WSCD1: variants seen among roughly 807,000 people sequenced by gnomAD.
WSCD1 encodes sialate:O-sulfotransferase 1.
In WSCD1, 41 loss-of-function variants were observed where a neutral mutation model predicts 60.4. The ratio of observed to expected loss-of-function variants is 0.68; its 90% CI spans 0.53 to 0.88. WSCD1 has a LOEUF of 0.88. Among genes scored for constraint, WSCD1 ranks in the 40% least tolerant of loss-of-function variants. The pLI is 0.00. For missense variants in WSCD1, 784 were observed against 796.2 expected, an observed-to-expected ratio of 0.98 and a Z score of 0.18; for synonymous variants, 361 against 332.5, an observed-to-expected ratio of 1.09 and a Z score of -0.93.
chr17:6,080,944 C>A lies in WSCD1; in HGVS notation c.286C>A (p.Arg96=). The part of the protein sequence containing the change: ...DMLQSPLTRP[R]PGPRWLRSRN... ...GCTGCAGAGCCCCCTGACCCGGCCC[C>A]GGCCCGGCCCCCGCTGGCTCCGGAG... Residue 96 remains arginine, a synonymous_variant, in exon 2 of 9, where the codon CGG becomes AGG. Coordinates refer to ENST00000317744, the MANE Select transcript of WSCD1 (RefSeq NM_015253.2). This position sits in a 1 kb window ranked among gnomAD's most constrained non-coding sequence, Gnocchi z 6.6. 1.3e-6 allele frequency: 2 copies of A among 1,566,988 alleles called. No homozygotes were observed. Among genetic ancestry groups the A allele is most frequent in the East Asian group, 2.3e-5 (1 of 43,118 alleles).
chr17:6,110,177 C>T lies in WSCD1; in HGVS notation c.1009+411C>T, dbSNP rs2150565670. On this transcript the variant is annotated intron_variant, in intron 6 of 8. Transcript: ENST00000317744. The surrounding 1 kb of genome is among the most constrained non-coding windows in gnomAD (Gnocchi z 4.8). ...CTCCTTGGTGTGAGCATCAGGTCTG[C>T]CCCTGTTGACCTTAGGAACTGATGA... Among the ~76,000 whole-genome samples the T allele has an allele frequency of 6.6e-6, 1 of 152,208 alleles. No homozygotes were observed. Among genetic ancestry groups the T allele is most frequent in the Non-Finnish European group, 1.5e-5 (1 of 67,992 alleles).
At chr17:6,108,452 A>G (rs925050276) in intron 5 of WSCD1, among the ~76,000 whole-genome samples, 2 of 152,096 alleles carry the variant, frequency 1.3e-5, no homozygotes, top group Non-Finnish European at 2.9e-5. Context: ...GAGAAGGAAG[A>G]GATGAAAAGG....
At chr17:6,114,152 G>A (rs1291463113) in intron 7 of WSCD1, among the ~76,000 whole-genome samples, 6 of 26,866 alleles carry the variant, frequency 2.2e-4, no homozygotes, top group Admixed American at 5.9e-4. Flanking sequence ...CTAGTTAGCC[G>A]TAAAAAAAAA....
chr17:6,072,442 G>T (rs552307094), intron 1 of WSCD1, among the ~76,000 whole-genome samples: 6 of 152,220 alleles, frequency 3.9e-5, no homozygotes, highest in African/African-American at 2.4e-5. Context: ...TCCGAGCAGG[G>T]CCTCTAGGGA....
At chr17:6,084,561 A>C (rs1234958623) in intron 2 of WSCD1, among the ~76,000 whole-genome samples, 1 of 152,258 alleles carries the variant, frequency 6.6e-6, no homozygotes, top group East Asian at 1.9e-4. Flanking sequence ...TGAGCATTTC[A>C]TTATACCTTG....
chr17:6,075,142 G>A lies in WSCD1; in HGVS notation c.-289+4490G>A, dbSNP rs572072504. Reference sequence around the variant, plus strand: ...CAACGTTCTGGGCCCTATTCTTGTCGCTGGGGCTCCTGCCCTGCAAAGAGC... The same window carrying A: ...CAACGTTCTGGGCCCTATTCTTGTCACTGGGGCTCCTGCCCTGCAAAGAGC... On this transcript the variant is annotated intron_variant, in intron 1 of 8. Transcript: ENST00000317744. This position sits in a 1 kb window ranked among gnomAD's most constrained non-coding sequence, Gnocchi z 4.1. Among the ~76,000 whole-genome samples the A allele has an allele frequency of 1.2e-4, 19 of 152,250 alleles. No individual in the cohort carries two copies. The highest frequency in any genetic ancestry group is 1.9e-4 in the African/African-American group (8 of 41,538).
In WSCD1 at chr17:6,075,685, G is replaced by T. The variant is rs768547932; in HGVS notation, c.-288-4686G>T. Among the ~76,000 whole-genome samples the T allele has an allele frequency of 5.9e-5, 9 of 152,134 alleles. No homozygotes were observed. Among genetic ancestry groups the T allele is most frequent in the Non-Finnish European group, 1.3e-4 (9 of 68,032 alleles). Reference sequence around the variant, plus strand: ...TCCCCAGGCCCTGCTCTTCTGTAGGGTGACCCCAGGACAGGGCAGTGGGTG... The same window carrying T: ...TCCCCAGGCCCTGCTCTTCTGTAGGTTGACCCCAGGACAGGGCAGTGGGTG... On this transcript the variant is annotated intron_variant, in intron 1 of 8. Transcript: ENST00000317744. The surrounding 1 kb of genome is among the most constrained non-coding windows in gnomAD (Gnocchi z 4.1).
At chr17:6,094,003 T>A (rs897815527) in intron 4 of WSCD1, among the ~76,000 whole-genome samples, 2 of 152,222 alleles carry the variant, frequency 1.3e-5, no homozygotes, top group Non-Finnish European at 2.9e-5. Context: ...TGGCAGATTC[T>A]GGCTGGTAAA....
intron 3 of WSCD1, among the ~76,000 whole-genome samples, chr17:6,089,595 A>G (rs971734901): frequency 1.3e-5 from 2 of 152,222 alleles, no homozygotes; most frequent in African/African-American, 2.4e-5. Context: ...GCCGCTCACC[A>G]TGGGAAGCTG....
In WSCD1 at chr17:6,086,247, CT is replaced by C. The variant is rs1287763966; in HGVS notation, c.428-1741del. Among the ~76,000 whole-genome samples the C allele has an allele frequency of 0.015, 1,062 of 72,426 alleles. 71 individuals are homozygous for C. The East Asian group carries it at 0.23, about 16-fold the overall frequency. 47.5% of individuals were successfully genotyped at this position (72,426 alleles called of 152,430 possible). ...GGTGCAGTCAGTAAGACCGTCCTGA[CT>C]TCATATATATATATATATATATATA... On this transcript the variant is annotated intron_variant, in intron 2 of 8. Coordinates refer to ENST00000317744, the MANE Select transcript of WSCD1 (RefSeq NM_015253.2).
chr17:6,072,096 A>C (rs766162063), intron 1 of WSCD1, among the ~76,000 whole-genome samples: 1 of 152,190 alleles, frequency 6.6e-6, no homozygotes, highest in Non-Finnish European at 1.5e-5. Context: ...CTCTGTAAAA[A>C]TGCCTTCTTC....
In WSCD1 at chr17:6,120,876, C is replaced by T. The variant is rs1904652159; in HGVS notation, c.*215C>T. 1 of 588,754 alleles carries T rather than the reference C, an allele frequency of 1.7e-6. No homozygotes were observed. The highest frequency in any genetic ancestry group is 2.2e-5 in the South Asian group (1 of 46,354). The allele number at this position is 588,754 out of a possible 1,614,324, so 36.5% of individuals were successfully genotyped here. A position where few individuals can be genotyped will look rare whatever the true frequency, so the allele number is the denominator to read the frequency against. On this transcript the variant is annotated 3_prime_UTR_variant, in exon 9 of 9. Coordinates refer to ENST00000317744, the MANE Select transcript of WSCD1 (RefSeq NM_015253.2). ...ACACACATACCTGGCCACGAACCCA[C>T]ACCTCCTCAGACACTCAGACACCAC...
intron 1 of WSCD1, 54 bp downstream of exon 1, chr17:6,070,706 G>A (rs1171433476): frequency 6.6e-6 from 1 of 151,322 alleles, no homozygotes; most frequent in African/African-American, 2.4e-5. Flanking sequence ...CTGCGAGCAG[G>A]GTGTTCCCCT....
chr17:6,098,149 G>C (rs1439523657), intron 5 of WSCD1, among the ~76,000 whole-genome samples: 1 of 118,930 alleles, frequency 8.4e-6, no homozygotes, highest in African/African-American at 3.7e-5. Flanking sequence ...GAGACAGGGG[G>C]GCGGGGTGGG....
chr17:6,110,745 C>T lies in WSCD1; in HGVS notation c.1010-26C>T, dbSNP rs377671675. 9 of 1,594,168 alleles carry T rather than the reference C, an allele frequency of 5.6e-6. No homozygotes were observed. The Admixed American group carries it at 8.4e-5, about 15-fold the overall frequency. On this transcript the variant is annotated intron_variant, in intron 6 of 8. Coordinates refer to ENST00000317744, the MANE Select transcript of WSCD1 (RefSeq NM_015253.2). This position sits in a 1 kb window ranked among gnomAD's most constrained non-coding sequence, Gnocchi z 4.8. ...GGTGAGTCATAATGGAAGTGAGTAA[C>T]CCCGTGATGACTTTTGGACTTTCAG... is the stretch of plus-strand genomic sequence containing the variant.
At chr17:6,079,566 C>A (rs962418683) in intron 1 of WSCD1, among the ~76,000 whole-genome samples, 1 of 152,164 alleles carries the variant, frequency 6.6e-6, no homozygotes, top group Non-Finnish European at 1.5e-5. Context: ...ACGGCTCAGG[C>A]GCTACCCTGG....
At chr17:6,114,016 G>A (rs1911557459) in intron 7 of WSCD1, among the ~76,000 whole-genome samples, 1 of 151,938 alleles carries the variant, frequency 6.6e-6, no homozygotes, top group African/African-American at 2.4e-5. Flanking sequence ...AAGGAAATGA[G>A]TATGTTGAAG....
At position 6,095,096 on chromosome 17, in the gene WSCD1, C is replaced by T; in HGVS notation, c.728-6C>T. The T allele has an allele frequency of 1.2e-6, 2 of 1,607,954 alleles. No homozygotes were observed. Among genetic ancestry groups the T allele is most frequent in the South Asian group, 2.2e-5 (2 of 89,820 alleles). ...TCTTACCAGAAACCCCTCTCTTTTC[C>T]CCCAGGGCGGACCGCCACCTACCGC... On this transcript the variant is annotated splice_polypyrimidine_tract_variant and splice_region_variant and intron_variant, in intron 4 of 8. Transcript: ENST00000317744.
intron 8 of WSCD1, among the ~76,000 whole-genome samples, chr17:6,119,558 G>A (rs1482017454): frequency 6.6e-6 from 1 of 152,200 alleles, no homozygotes; most frequent in Non-Finnish European, 1.5e-5. Flanking sequence ...CCAGTGGGTG[G>A]CCTCTGCCGG....
Sources: gnomAD v4.1 joint callset for allele counts (sites outside exome capture counted in the v4.1 genomes callset) on GRCh38, gnomAD v4.1.1 for gene constraint, Gnocchi (gnomAD v3.1) non-coding constraint, MANE v1.5 for transcripts, NCBI Gene and HGNC (gene_info 2026-07-23, HGNC 2026-07-21) for gene names.